Variants in AKAP7 observed in about 807,000 individuals in gnomAD.
AKAP7 encodes the protein A-kinase anchoring protein 7.
In AKAP7, 39 loss-of-function variants were observed where a neutral mutation model predicts 39.5. That is an observed-to-expected ratio of 0.99 (90% confidence interval 0.76 to 1.29). The LOEUF is 1.29. Ranked by LOEUF, AKAP7 falls within the 50% of genes most tolerant of loss-of-function variation. The pLI is 0.00. For synonymous variants in AKAP7, 140 were observed against 139.1 expected (o/e 1.01, Z -0.05); for missense variants, 414 against 407.7 (o/e 1.02, Z -0.13).
chr6:131,129,303 A>T, the AKAP7 span, among the ~76,000 whole-genome samples: 1 of 146,900 alleles, frequency 6.8e-6, no homozygotes, highest in Non-Finnish European at 1.5e-5. Context: ...AAAAAAATGC[A>T]TGATTGAAAG....
At chr6:131,179,301 G>C (rs1299349628) in intron 5 of AKAP7, among the ~76,000 whole-genome samples, 1 of 152,086 alleles carries the variant, frequency 6.6e-6, no homozygotes, top group East Asian at 1.9e-4. Flanking sequence ...AGCCTCCCGA[G>C]TAGCTGGGAT....
intron 2 of AKAP7, among the ~76,000 whole-genome samples, chr6:131,157,018 G>A (rs890434711): frequency 1.9e-4 from 29 of 151,814 alleles, no homozygotes; most frequent in Admixed American, 9.2e-4. Flanking sequence ...CTCGTGATCC[G>A]CCCGCCTCAG....
At chr6:131,261,887 T>TTAAG (rs538394061) in intron 7 of AKAP7, among the ~76,000 whole-genome samples, 201 of 152,166 alleles carry the variant, frequency 1.3e-3, no homozygotes, top group African/African-American at 4.6e-3. Flanking sequence ...AGGGAATTAG[T>TTAAG]TAAGTAAGTT....
At chr6:131,178,643 C>G (rs987823366) in intron 5 of AKAP7, among the ~76,000 whole-genome samples, 1 of 152,164 alleles carries the variant, frequency 6.6e-6, no homozygotes, top group South Asian at 2.1e-4. Context: ...CAGGCTTGGC[C>G]TCTTTCAAGG....
At chr6:131,208,017 A>T (rs1726852636) in intron 6 of AKAP7, among the ~76,000 whole-genome samples, 3 of 152,198 alleles carry the variant, frequency 2.0e-5, no homozygotes, top group Non-Finnish European at 4.4e-5. Flanking sequence ...GTCACTTTTC[A>T]TATTTCCAAG....
intron 6 of AKAP7, among the ~76,000 whole-genome samples, chr6:131,215,348 T>G (rs571778952): frequency 2.6e-5 from 4 of 152,238 alleles, no homozygotes; most frequent in Non-Finnish European, 5.9e-5. Context: ...AAGGCCGTTC[T>G]CACCCTGGGT....
At position 131,179,292 on chromosome 6, in the gene AKAP7, G is replaced by A. The variant is rs1435354091; in HGVS notation, c.589+10019G>A. Among the ~76,000 whole-genome samples the A allele has an allele frequency of 2.6e-5, 4 of 152,186 alleles. No homozygotes were observed. The East Asian group carries it at 5.8e-4, about 22-fold the overall frequency. ...GGGTTCAAGTGATTCTCCTGTCTCAGCCTCCCGAGTAGCTGGGATTACAGG... is the reference window on the plus strand; with the variant it reads ...GGGTTCAAGTGATTCTCCTGTCTCAACCTCCCGAGTAGCTGGGATTACAGG... On this transcript the variant is annotated intron_variant, in intron 5 of 7. Transcript: ENST00000431975.
chr6:131,149,754 G>T (rs574437686), intron 2 of AKAP7, among the ~76,000 whole-genome samples: 1 of 152,178 alleles, frequency 6.6e-6, no homozygotes, highest in Non-Finnish European at 1.5e-5. Context: ...GACTTGGATG[G>T]GGTCTTTGCT....
At chr6:131,249,849 A>G (rs1812301195) in intron 7 of AKAP7, among the ~76,000 whole-genome samples, 1 of 152,192 alleles carries the variant, frequency 6.6e-6, no homozygotes, top group Non-Finnish European at 1.5e-5. Flanking sequence ...TAATTTCAAA[A>G]TTAATATTAT....
chr6:131,142,574 A>G (rs1801136714), intron 1 of AKAP7, among the ~76,000 whole-genome samples: 1 of 152,240 alleles, frequency 6.6e-6, no homozygotes, highest in Non-Finnish European at 1.5e-5. Flanking sequence ...CTGGGTGCTC[A>G]GGCAGAAGCC....
chr6:131,169,153 G>A lies in AKAP7; in HGVS notation c.469G>A (p.Glu157Lys). Residue 157 changes from glutamate (E) to lysine (K), a missense_variant, in exon 5 of 8, where the codon GAA (glutamate) becomes AAA (lysine). Coordinates refer to ENST00000431975, the MANE Select transcript of AKAP7 (RefSeq NM_016377.4). ...TTTGGAATTGAAACCATTCATAGAA[G>A]AACTCCTCCAGGGAAAACATTTGAC... ...ALLELKPFIE[E>K]LLQGKHLTLP... is the part of the protein sequence containing the mutation. The A allele has an allele frequency of 6.2e-7, 1 of 1,613,574 alleles. No individual in the cohort carries two copies. Among genetic ancestry groups the A allele is most frequent in the Non-Finnish European group, 8.5e-7 (1 of 1,179,602 alleles).
At chr6:131,127,406 A>G in the AKAP7 span, among the ~76,000 whole-genome samples, 2 of 152,206 alleles carry the variant, frequency 1.3e-5, no homozygotes, top group African/African-American at 2.4e-5. Flanking sequence ...CTTTAGAGAA[A>G]AAGTCCCTAT....
intron 5 of AKAP7, among the ~76,000 whole-genome samples, chr6:131,179,773 G>T (rs1408772160): frequency 6.6e-6 from 1 of 152,072 alleles, no homozygotes; most frequent in African/African-American, 2.4e-5. Flanking sequence ...GATGGCTGAG[G>T]TGGAAGGATT....
chr6:131,270,985 A>G (rs1257027267), intron 7 of AKAP7, among the ~76,000 whole-genome samples: 1 of 152,204 alleles, frequency 6.6e-6, no homozygotes, highest in Non-Finnish European at 1.5e-5. Context: ...TTTAATAGAT[A>G]AATTTTGCAA....
chr6:131,216,488 C>T (rs184672292), intron 6 of AKAP7, among the ~76,000 whole-genome samples: 2 of 152,204 alleles, frequency 1.3e-5, no homozygotes, highest in Admixed American at 1.3e-4. Flanking sequence ...TGTTTGAGTG[C>T]CAAGTTACAA....
At chr6:131,251,453 T>C (rs1812439922) in intron 7 of AKAP7, among the ~76,000 whole-genome samples, 1 of 152,228 alleles carries the variant, frequency 6.6e-6, no homozygotes, top group African/African-American at 2.4e-5. Flanking sequence ...ATATCAGTGC[T>C]TGATTCTAAT....
chr6:131,227,772 T>C (rs914704198), intron 7 of AKAP7, among the ~76,000 whole-genome samples: 9 of 152,268 alleles, frequency 5.9e-5, no homozygotes, highest in Non-Finnish European at 1.3e-4. Flanking sequence ...TGCTCAGACT[T>C]TATGGGCTGA....
intron 7 of AKAP7, among the ~76,000 whole-genome samples, chr6:131,220,908 G>A (rs1477976228): frequency 2.0e-5 from 3 of 151,948 alleles, no homozygotes; most frequent in Non-Finnish European, 4.4e-5. Context: ...TGTGTGTTCC[G>A]ACTGCTCCAC....
chr6:131,203,228 A>G (rs1807775807), intron 6 of AKAP7, among the ~76,000 whole-genome samples: 1 of 152,170 alleles, frequency 6.6e-6, no homozygotes, highest in Admixed American at 6.5e-5. Flanking sequence ...ATTTGAAAAT[A>G]TATGGTTCCT....
Sources: gnomAD v4.1 joint callset for allele counts (sites outside exome capture counted in the v4.1 genomes callset) on GRCh38, gnomAD v4.1.1 for gene constraint, MANE v1.5 for transcripts, NCBI Gene and HGNC (gene_info 2026-07-23, HGNC 2026-07-21) for gene names.